Variants in ASB5 observed in about 807,000 individuals in gnomAD.
ASB5 encodes the protein ankyrin repeat and SOCS box protein 5.
A neutral mutation model predicts 42.1 loss-of-function variants in ASB5; 45 were observed. The observed-to-expected ratio is 1.07, with a 90% CI of 0.84 to 1.37. The LOEUF is 1.37. Ranked by LOEUF, ASB5 falls within the 40% of genes most tolerant of loss-of-function variation. The probability of loss-of-function intolerance (pLI) is 0.00; values close to 1 mark genes in which losing one functional copy is unlikely to be tolerated. For synonymous variants in ASB5, 147 were observed against 150.6 expected (o/e 0.98, Z 0.18); for missense variants, 402 against 399.8 (o/e 1.01, Z -0.05).
intron 1 of ASB5, among the ~76,000 whole-genome samples, chr4:176,230,477 CAATGAA>C (rs1454835555): frequency 6.6e-6 from 1 of 152,066 alleles, no homozygotes; most frequent in African/African-American, 2.4e-5. Flanking sequence ...GTATACCACT[CAATGAA>C]AAAGAATCTT....
intron 1 of ASB5, among the ~76,000 whole-genome samples, chr4:176,260,043 T>C (rs1043026357): frequency 3.9e-5 from 6 of 152,226 alleles, no homozygotes; most frequent in African/African-American, 1.4e-4. Context: ...ACTCATATTA[T>C]CAGATGGTTA....
At chr4:176,258,120 A>T (rs934900513) in intron 1 of ASB5, among the ~76,000 whole-genome samples, 1 of 152,196 alleles carries the variant, frequency 6.6e-6, no homozygotes. Context: ...TGAATTTTTT[A>T]AAAAAGTATG....
rs554213845 is a variant in ASB5, at chr4:176,248,184, C to T, written c.196+20729G>A. 1.8e-4 allele frequency among the ~76,000 whole-genome samples: 28 copies of T among 152,214 alleles called. No homozygotes were observed. The East Asian group carries it at 2.1e-3, about 12-fold the overall frequency. On this transcript the variant is annotated intron_variant, in intron 1 of 6. Coordinates refer to ENST00000296525, the MANE Select transcript of ASB5 (RefSeq NM_080874.4). ...CTCTGTCATGCAGGCTGGAGTGCAG[C>T]GGCACGATCATGGCTCACTGCAGCC...
In ASB5 at chr4:176,217,584, C is replaced by T. The variant is rs576450625; in HGVS notation, c.671-575G>A. Among the ~76,000 whole-genome samples, 10 of 152,152 alleles carry T rather than the reference C, an allele frequency of 6.6e-5. No individual in the cohort carries two copies. In the South Asian group the frequency reaches 2.1e-3, roughly 31 times the overall value. ...TCAGTAAGTATATAAAGATATTGAG[C>T]CTTTTAAATCAAAAGGCACATTGAT... On this transcript the variant is annotated intron_variant, in intron 5 of 6. Coordinates refer to ENST00000296525, the MANE Select transcript of ASB5 (RefSeq NM_080874.4).
chr4:176,273,913 G>A (rs1242008989), upstream of ASB5, among the ~76,000 whole-genome samples: 2 of 152,074 alleles, frequency 1.3e-5, no homozygotes, highest in African/African-American at 2.4e-5. Context: ...TTGGTTTTTT[G>A]TTTTCTTATA....
chr4:176,226,530 C>T (rs1753383209), intron 1 of ASB5, among the ~76,000 whole-genome samples: 1 of 152,146 alleles, frequency 6.6e-6, no homozygotes, highest in Non-Finnish European at 1.5e-5. Flanking sequence ...CCCCTAATCT[C>T]CTCTCATATA....
intron 1 of ASB5, among the ~76,000 whole-genome samples, chr4:176,268,021 C>T (rs778734504): frequency 1.3e-5 from 2 of 152,104 alleles, no homozygotes; most frequent in Admixed American, 6.5e-5. Context: ...TCAATGCTGA[C>T]AATTTAAGTT....
At chr4:176,219,906 G>A (rs1388159615) in intron 5 of ASB5, among the ~76,000 whole-genome samples, 1 of 151,918 alleles carries the variant, frequency 6.6e-6, no homozygotes, top group Non-Finnish European at 1.5e-5. Flanking sequence ...TTCTAGCAAA[G>A]GAATGAAAGG....
chr4:176,236,732 T>G (rs576804573), intron 1 of ASB5, among the ~76,000 whole-genome samples: 1 of 152,336 alleles, frequency 6.6e-6, no homozygotes, highest in South Asian at 2.1e-4. Flanking sequence ...CTTAAATTTA[T>G]CATCTATCAT....
chr4:176,225,389 T>C, intron 1 of ASB5, 48 bp from the exon 2 acceptor site: 1 of 1,470,386 alleles, frequency 6.8e-7, no homozygotes, highest in South Asian at 1.2e-5. Flanking sequence ...AATCCAAGAG[T>C]CAAAGTGAAT....
In ASB5 at chr4:176,221,212, G is replaced by T; in HGVS notation, c.613C>A (p.Leu205Ile). Residue 205 changes from leucine to isoleucine, a missense_variant, in exon 5 of 7, where the codon CTC becomes ATC. Coordinates refer to ENST00000296525, the MANE Select transcript of ASB5 (RefSeq NM_080874.4). The stretch of plus-strand genomic sequence containing the variant: ...TGCTGTGACATACAAGCTACATAGA[G>T]AGGAGTTCCCAAATGAGGAATTTCT... ...DQEIPHLGTP[L>I]YVACMSQQFH... 6.2e-7 allele frequency: 1 copy of T among 1,614,128 alleles called. No individual in the cohort carries two copies. The highest frequency in any genetic ancestry group is 8.5e-7 in the Non-Finnish European group (1 of 1,179,992).
At chr4:176,226,880 G>T (rs891758111) in intron 1 of ASB5, among the ~76,000 whole-genome samples, 1 of 152,200 alleles carries the variant, frequency 6.6e-6, no homozygotes, top group Non-Finnish European at 1.5e-5. Context: ...TGAGCCCCGC[G>T]TCTGAAGTGA....
At chr4:176,229,332 T>C (rs1378106160) in intron 1 of ASB5, among the ~76,000 whole-genome samples, 1 of 152,208 alleles carries the variant, frequency 6.6e-6, no homozygotes, top group Non-Finnish European at 1.5e-5. Context: ...CATTCCTTTC[T>C]AGTATACCAT....
At chr4:176,276,210 G>A (rs1211926916) in intron 1 of ASB5, among the ~76,000 whole-genome samples, 3 of 152,062 alleles carry the variant, frequency 2.0e-5, no homozygotes, top group Non-Finnish European at 2.9e-5. Context: ...GCACTCACTC[G>A]CCTGCACTGT....
chr4:176,219,582 AT>A (rs762970890), intron 5 of ASB5, among the ~76,000 whole-genome samples: 20,113 of 42,170 alleles, frequency 0.48, 8,403 homozygotes, highest in African/African-American at 0.63. Flanking sequence ...TATGATATAT[AT>A]ATATATATAT....
chr4:176,221,561 T>C lies in ASB5; in HGVS notation c.424A>G (p.Asn142Asp). ...CTTGGACTGCCTTGGGAGCATGCGT[T>C]GAATAACGGAGTCACGCCATCTATC... ...ITIDGVTPLF[N>D]ACSQGSPSCA... Residue 142 changes from asparagine (N) to aspartate (D), a missense_variant, in exon 4 of 7, where the codon AAC becomes GAC. Coordinates refer to ENST00000296525, the MANE Select transcript of ASB5 (RefSeq NM_080874.4). 6.2e-7 allele frequency: 1 copy of C among 1,613,668 alleles called. No individual in the cohort carries two copies. The highest frequency in any genetic ancestry group is 8.5e-7 in the Non-Finnish European group (1 of 1,179,736).
chr4:176,219,669 G>T (rs1312423304), intron 5 of ASB5, among the ~76,000 whole-genome samples: 1 of 138,730 alleles, frequency 7.2e-6, no homozygotes, highest in Non-Finnish European at 1.5e-5. Flanking sequence ...CCACCTCCCG[G>T]GTTCAAGTTG....
intron 2 of ASB5, among the ~76,000 whole-genome samples, chr4:176,274,674 T>C (rs1462295628): frequency 6.6e-6 from 1 of 152,186 alleles, no homozygotes; most frequent in Non-Finnish European, 1.5e-5. Flanking sequence ...GTGTGGGTTA[T>C]AAATAGCCTT....
chr4:176,237,388 G>A, intron 1 of ASB5: 1 of 985,846 alleles, frequency 1.0e-6, no homozygotes, highest in African/African-American at 1.7e-5. Context: ...GCTTAATGCA[G>A]TTCATTTCAA....
Sources: gnomAD v4.1 joint callset for allele counts (sites outside exome capture counted in the v4.1 genomes callset) on GRCh38, gnomAD v4.1.1 for gene constraint, MANE v1.5 for transcripts, NCBI Gene and HGNC (gene_info 2026-07-23, HGNC 2026-07-21) for gene names.